Variants in PTPRD observed in about 807,000 individuals in gnomAD.
PTPRD encodes receptor-type tyrosine-protein phosphatase delta.
Under a neutral mutation model 214.5 loss-of-function variants are expected in PTPRD, and 34 were observed. That is an observed-to-expected ratio of 0.16 (90% confidence interval 0.12 to 0.21). The LOEUF is 0.21. PTPRD is among the 10% of genes least tolerant of loss of function. The pLI is 1.00. For missense variants in PTPRD, 2,545 were observed against 2,398.7 expected (o/e 1.06, Z -1.27); for synonymous variants, 1,128 against 845.7 (o/e 1.33, Z -5.79).
intron 11 of PTPRD, among the ~76,000 whole-genome samples, chr9:8,949,994 G>A (rs1031797720): frequency 3.9e-5 from 6 of 152,136 alleles, no homozygotes; most frequent in African/African-American, 1.2e-4. Context: ...TGTCTATCAT[G>A]TTTGAAATAT....
intron 7 of PTPRD, among the ~76,000 whole-genome samples, chr9:9,631,514 G>A (rs532101379): frequency 6.6e-6 from 1 of 152,070 alleles, no homozygotes; most frequent in Admixed American, 6.6e-5. Flanking sequence ...TCAAAGTATA[G>A]GGCCTTTTTT....
chr9:10,160,552 A>G (rs2099121442), intron 3 of PTPRD, among the ~76,000 whole-genome samples: 1 of 151,984 alleles, frequency 6.6e-6, no homozygotes, highest in African/African-American at 2.4e-5. Context: ...AAATCCTCAA[A>G]AACTGGATAT....
intron 11 of PTPRD, among the ~76,000 whole-genome samples, chr9:8,790,500 C>T (rs1331546040): frequency 4.0e-5 from 6 of 151,860 alleles, no homozygotes; most frequent in African/African-American, 9.7e-5. Context: ...TCACTGTAAC[C>T]GCCGCCTCCC....
chr9:8,948,452 T>G, intron 11 of PTPRD, among the ~76,000 whole-genome samples: 1 of 20,250 alleles, frequency 4.9e-5, no homozygotes, highest in Non-Finnish European at 1.1e-4. Context: ...TATATATATA[T>G]TTATATATAT....
At chr9:9,671,705 C>T (rs2096835732) in intron 7 of PTPRD, among the ~76,000 whole-genome samples, 1 of 152,076 alleles carries the variant, frequency 6.6e-6, no homozygotes, top group African/African-American at 2.4e-5. Context: ...AAGGGGTTTG[C>T]ACTTTTGCAT....
chr9:10,328,662 T>G (rs1295228336), intron 3 of PTPRD, among the ~76,000 whole-genome samples: 1 of 151,792 alleles, frequency 6.6e-6, no homozygotes, highest in Admixed American at 6.6e-5. Context: ...AATATTTGAT[T>G]ATACGTTACA....
At chr9:8,795,830 A>G (rs1343753781) in intron 11 of PTPRD, among the ~76,000 whole-genome samples, 1 of 152,232 alleles carries the variant, frequency 6.6e-6, no homozygotes, top group African/African-American at 2.4e-5. Flanking sequence ...GATCTAGAGG[A>G]GAAGATTATT....
At chr9:8,744,036 C>T (rs2092468898) in intron 11 of PTPRD, among the ~76,000 whole-genome samples, 1 of 151,848 alleles carries the variant, frequency 6.6e-6, no homozygotes, top group East Asian at 1.9e-4. Flanking sequence ...TGGAAAAACG[C>T]TCACAAAATG....
chr9:9,766,256 G>C (rs1378182901), intron 6 of PTPRD, among the ~76,000 whole-genome samples: 1 of 151,972 alleles, frequency 6.6e-6, no homozygotes, highest in African/African-American at 2.4e-5. Context: ...ATTCCAGTTT[G>C]AAATAACAGG....
At chr9:8,817,508 T>C (rs927595437) in intron 11 of PTPRD, among the ~76,000 whole-genome samples, 15 of 152,228 alleles carry the variant, frequency 9.9e-5, no homozygotes, top group African/African-American at 3.6e-4. Flanking sequence ...GCACCTGTAG[T>C]GCCAGCCAGC....
intron 2 of PTPRD, among the ~76,000 whole-genome samples, chr9:10,385,573 T>C (rs73404238): frequency 0.02 from 3,103 of 151,930 alleles, 102 homozygotes; most frequent in African/African-American, 0.071. Context: ...AAAGATGTTA[T>C]TGTGGAATAT....
rs114789444 is a variant in PTPRD at position 8,340,216 on chromosome 9, C to T, written c.5253+127G>A. ...TAGAAACTAACAAGGAATGATGGTC[C>T]GGATTATGTCCAGAGTGCACTGCAT... On this transcript the variant is annotated intron_variant, in intron 42 of 45. Coordinates refer to ENST00000381196, the MANE Select transcript of PTPRD (RefSeq NM_002839.4). 1,448 of 1,088,344 alleles carry T rather than the reference C, an allele frequency of 1.3e-3. 19 individuals carry two copies. The African/African-American group carries it at 0.019, about 15-fold the overall frequency. The allele number at this position is 1,088,344 out of a possible 1,614,324, so 67.4% of individuals were successfully genotyped here.
chr9:9,352,896 AGT>A (rs1349496249), intron 9 of PTPRD, among the ~76,000 whole-genome samples: 1 of 152,024 alleles, frequency 6.6e-6, no homozygotes, highest in East Asian at 1.9e-4. Flanking sequence ...GTGTTCACTC[AGT>A]GTTTTTATAG....
rs145325302 is a variant in PTPRD at position 8,518,098 on chromosome 9, C to T, written c.1293G>A (p.Ser431=). 7.4e-6 allele frequency: 12 copies of T among 1,614,132 alleles called. No homozygotes were observed. Among genetic ancestry groups the T allele is most frequent in the African/African-American group, 5.3e-5 (4 of 75,032 alleles). Residue 431 remains serine, a synonymous_variant, in exon 21 of 46, where the codon TCG becomes TCA. Coordinates refer to ENST00000381196, the MANE Select transcript of PTPRD (RefSeq NM_002839.4). ...CCTTCCACTGTACCAAAATGGTGGT[C>T]GAACTCAACATTCGTGCCTGGACAT... ...PRDVQARMLS[S]TTILVQWKEP...
intron 6 of PTPRD, among the ~76,000 whole-genome samples, chr9:9,751,267 T>G (rs750135018): frequency 2.0e-5 from 3 of 152,138 alleles, no homozygotes; most frequent in Non-Finnish European, 4.4e-5. Flanking sequence ...CCAGGCTTAT[T>G]TATTCATTTA....
intron 39 of PTPRD, among the ~76,000 whole-genome samples, chr9:8,361,780 G>A (rs559724806): frequency 6.6e-6 from 1 of 151,792 alleles, no homozygotes; most frequent in Non-Finnish European, 1.5e-5. Flanking sequence ...GGGTATGTTT[G>A]AAAATGACCA....
At chr9:9,974,658 C>G (rs1324639901) in intron 4 of PTPRD, among the ~76,000 whole-genome samples, 1 of 152,138 alleles carries the variant, frequency 6.6e-6, no homozygotes, top group African/African-American at 2.4e-5. Context: ...TTGAAAACCT[C>G]CTTAAAACAC....
chr9:10,253,411 A>G (rs763396414), intron 3 of PTPRD, among the ~76,000 whole-genome samples: 17 of 152,248 alleles, frequency 1.1e-4, no homozygotes, highest in Non-Finnish European at 5.9e-5. Context: ...AAGACAAGGC[A>G]TGCAGTAGCT....
intron 10 of PTPRD, among the ~76,000 whole-genome samples, chr9:9,153,287 CTT>C (rs2099878409): frequency 6.6e-6 from 1 of 152,100 alleles, no homozygotes; most frequent in East Asian, 1.9e-4. Flanking sequence ...TAGACTGACT[CTT>C]TAGTTTTTAA....
Sources: allele counts gnomAD v4.1 joint callset (sites outside exome capture counted in the v4.1 genomes callset), GRCh38; gene constraint gnomAD v4.1.1; transcripts MANE v1.5; gene names NCBI Gene and HGNC (gene_info 2026-07-23, HGNC 2026-07-21).